Variants in FAXDC2 observed in about 807,000 individuals in gnomAD.
FAXDC2 encodes the protein fatty acid hydroxylase domain containing 2.
FAXDC2 carries 41 observed loss-of-function variants against 40.9 expected under a neutral mutation model. The observed-to-expected ratio is 1.00, with a 90% CI of 0.78 to 1.30. The LOEUF (loss-of-function observed/expected upper bound fraction) is 1.30, where lower values mean the gene tolerates loss of function less well. FAXDC2 is among the 50% of genes most tolerant of loss of function. FAXDC2 has a pLI of 0.00. For missense variants in FAXDC2, 390 were observed against 408.8 expected (o/e 0.95, Z 0.40); for synonymous variants, 157 against 149.3 (o/e 1.05, Z -0.38).
chr5:154,839,525 G>A (rs1760431978), intron 1 of FAXDC2, among the ~76,000 whole-genome samples: 2 of 151,808 alleles, frequency 1.3e-5, no homozygotes, highest in Admixed American at 6.6e-5. Flanking sequence ...GCACATGCCT[G>A]TGGTCCCAGC....
chr5:154,842,510 GTGTTTT>G (rs1760499111), intron 1 of FAXDC2, among the ~76,000 whole-genome samples: 1 of 94,674 alleles, frequency 1.1e-5, no homozygotes, highest in South Asian at 3.4e-4. Flanking sequence ...AGCCCTTTGT[GTGTTTT>G]TTTTTTTTTT....
intron 1 of FAXDC2, among the ~76,000 whole-genome samples, chr5:154,840,282 C>T (rs1488708133): frequency 1.3e-5 from 2 of 152,068 alleles, no homozygotes; most frequent in Non-Finnish European, 2.9e-5. Context: ...AACGAGGAGA[C>T]GGGGGTCTTG....
chr5:154,820,631 C>T (rs1267323469), intron 8 of FAXDC2, 159 bp from the exon 9 acceptor site: 8 of 568,666 alleles, frequency 1.4e-5, no homozygotes, highest in Non-Finnish European at 2.5e-5. Context: ...GAGTTGCTAC[C>T]AATGCATCTC....
intron 5 of FAXDC2, 88 bp downstream of exon 5, chr5:154,830,713 T>A (rs1262619673): frequency 6.7e-7 from 1 of 1,497,472 alleles, no homozygotes; most frequent in East Asian, 2.3e-5. Flanking sequence ...ACTGGCCAGG[T>A]CTCTCCTGGG....
intron 1 of FAXDC2, among the ~76,000 whole-genome samples, chr5:154,845,659 A>G (rs1760581682): frequency 9.2e-6 from 1 of 108,650 alleles, no homozygotes; most frequent in South Asian, 2.4e-4. Flanking sequence ...AAAACAAAAC[A>G]AAAAACAAGC....
intron 8 of FAXDC2, 41 bp downstream of exon 8, chr5:154,821,219 G>A (rs747017491): frequency 5.2e-6 from 8 of 1,533,538 alleles, no homozygotes; most frequent in Non-Finnish European, 7.2e-6. Flanking sequence ...GGAGGGTGAT[G>A]GTTGTTGCCT....
intron 1 of FAXDC2, among the ~76,000 whole-genome samples, chr5:154,847,575 C>A (rs1760630446): frequency 6.7e-6 from 1 of 148,532 alleles, no homozygotes; most frequent in Non-Finnish European, 1.5e-5. Flanking sequence ...GCAGCCTCTG[C>A]CTCCCGGGTT....
intron 3 of FAXDC2, 24 bp downstream of exon 3, chr5:154,834,819 C>T: frequency 6.2e-7 from 1 of 1,601,764 alleles, no homozygotes; most frequent in Non-Finnish European, 8.5e-7. Context: ...CACACTGCAC[C>T]CTAGCTGGGT....
chr5:154,830,154 C>CA (rs1388553614), intron 5 of FAXDC2, among the ~76,000 whole-genome samples: 4 of 152,172 alleles, frequency 2.6e-5, no homozygotes, highest in African/African-American at 9.7e-5. Flanking sequence ...ACCTGGGTTT[C>CA]AGAATCAACT....
intron 1 of FAXDC2, among the ~76,000 whole-genome samples, chr5:154,843,972 A>G (rs1287165225): frequency 6.6e-6 from 1 of 152,154 alleles, no homozygotes; most frequent in East Asian, 1.9e-4. Flanking sequence ...TAATCCCAGC[A>G]CTTTGGGAGG....
At chr5:154,843,883 T>C (rs1327752656) in intron 1 of FAXDC2, among the ~76,000 whole-genome samples, 1 of 152,128 alleles carries the variant, frequency 6.6e-6, no homozygotes. Context: ...CCCAGCACTT[T>C]GGGAGGCTGA....
At chr5:154,846,268 T>TGTGTGTG (rs1561662366) in intron 1 of FAXDC2, among the ~76,000 whole-genome samples, 3 of 118,284 alleles carry the variant, frequency 2.5e-5, no homozygotes, top group Admixed American at 9.1e-5. Flanking sequence ...GTGAACTAGA[T>TGTGTGTG]AGTGTGTGTG....
chr5:154,823,805 A>C (rs1183189779), intron 5 of FAXDC2: 3 of 551,236 alleles, frequency 5.4e-6, no homozygotes, highest in Non-Finnish European at 9.8e-6. Flanking sequence ...CTGTCCTTGG[A>C]AACTTCAGCA....
chr5:154,845,093 A>G (rs1760569281), intron 1 of FAXDC2, among the ~76,000 whole-genome samples: 1 of 152,200 alleles, frequency 6.6e-6, no homozygotes, highest in African/African-American at 2.4e-5. Context: ...TTACGCCAAT[A>G]TGGCCATATG....
At chr5:154,832,768 A>T (rs1760226092) in intron 4 of FAXDC2, among the ~76,000 whole-genome samples, 1 of 152,140 alleles carries the variant, frequency 6.6e-6, no homozygotes, top group Non-Finnish European at 1.5e-5. Context: ...CATATATAAA[A>T]TATTTGAGGT....
intron 7 of FAXDC2, 79 bp from the exon 8 acceptor site, chr5:154,821,505 G>A (rs955132682): frequency 1.9e-5 from 22 of 1,171,706 alleles, no homozygotes; most frequent in Non-Finnish European, 2.5e-5. Flanking sequence ...GTCCCAAGGT[G>A]GTACCAGAGG....
chr5:154,828,353 T>C (rs776964834), intron 5 of FAXDC2, among the ~76,000 whole-genome samples: 1 of 152,012 alleles, frequency 6.6e-6, no homozygotes, highest in Non-Finnish European at 1.5e-5. Context: ...ACCACGTTTG[T>C]AATAATCTAG....
Position 154,825,650 on chromosome 5 carries a change from C to CAAAAAAAAAA in FAXDC2, c.367-2068_367-2059dup, listed in dbSNP as rs386358555. ...TGGGTGACAGAGTGAGACTCCGTCT[C>CAAAAAAAAAA]AAAAAAAAAAAAAAAAAAGCAGTAA... is the stretch of plus-strand genomic sequence containing the variant. On this transcript the variant is annotated intron_variant, in intron 5 of 8. Coordinates refer to ENST00000326080, the MANE Select transcript of FAXDC2 (RefSeq NM_032385.5). 5.3e-4 allele frequency among the ~76,000 whole-genome samples: 16 copies of CAAAAAAAAAA among 30,152 alleles called. 6 individuals carry two copies. Among genetic ancestry groups the CAAAAAAAAAA allele is most frequent in the African/African-American group, 1.1e-3 (7 of 6,458 alleles). The allele number at this position is 30,152 out of a possible 152,430, so 19.8% of individuals were successfully genotyped here.
intron 5 of FAXDC2, among the ~76,000 whole-genome samples, chr5:154,828,794 T>G (rs561233525): frequency 2.6e-4 from 40 of 151,978 alleles, no homozygotes; most frequent in African/African-American, 9.6e-4. Flanking sequence ...GAGACAGGGA[T>G]CTCACTATGT....
Sources: gnomAD v4.1 joint callset for allele counts (sites outside exome capture counted in the v4.1 genomes callset) on GRCh38, gnomAD v4.1.1 for gene constraint, MANE v1.5 for transcripts, NCBI Gene and HGNC (gene_info 2026-07-23, HGNC 2026-07-21) for gene names.